Variants in ADGRG2 observed in about 807,000 individuals in gnomAD.
ADGRG2 encodes the protein adhesion G protein-coupled receptor G2, also known as G protein-coupled receptor 64.
A neutral mutation model predicts 74.1 loss-of-function variants in ADGRG2; 26 were observed. The observed-to-expected ratio is 0.35, with a 90% CI of 0.26 to 0.49. The LOEUF (loss-of-function observed/expected upper bound fraction) is 0.49. Ranked by LOEUF, ADGRG2 falls within the 20% of genes least tolerant of loss-of-function variation. The pLI, the probability that ADGRG2 is intolerant of heterozygous loss-of-function variation, is 0.99. For missense variants in ADGRG2, 619 were observed against 763.1 expected, an observed-to-expected ratio of 0.81 and a Z score of 2.22; for synonymous variants, 296 against 295.2, an observed-to-expected ratio of 1.00 and a Z score of -0.03.
intron 1 of ADGRG2, among the ~76,000 whole-genome samples, chrX:19,104,936 A>AAAAAAG (rs2062255926): frequency 9.7e-6 from 1 of 102,926 alleles, no homozygotes; most frequent in Admixed American, 1.1e-4. Flanking sequence ...AAAAAAAAAA[A>AAAAAAG]AAAAAGTAAC....
intron 1 of ADGRG2, among the ~76,000 whole-genome samples, chrX:19,117,315 A>T (rs190402568): frequency 0.022 from 2,410 of 110,098 alleles, 53 homozygotes; most frequent in African/African-American, 0.074. Flanking sequence ...TTAAAAAATT[A>T]AAAAAAAGAA....
At chrX:19,117,114 A>C (rs943704935) in intron 1 of ADGRG2, among the ~76,000 whole-genome samples, 3 of 108,793 alleles carry the variant, frequency 2.8e-5, no homozygotes, top group African/African-American at 1.0e-4. Context: ...AGATGGTGAA[A>C]CCTCGTCTCT....
intron 1 of ADGRG2, among the ~76,000 whole-genome samples, chrX:19,114,703 C>G (rs372302574): frequency 5.4e-5 from 6 of 111,550 alleles, no homozygotes; most frequent in African/African-American, 2.0e-4. Context: ...TGTCAAATGT[C>G]CCCTGGGAGG....
At chrX:19,114,863 C>T (rs188567191) in intron 1 of ADGRG2, among the ~76,000 whole-genome samples, 2 of 111,395 alleles carry the variant, frequency 1.8e-5, no homozygotes, top group African/African-American at 3.3e-5. Flanking sequence ...ATTCAAACCC[C>T]GGACCTACTG....
At chrX:19,021,272 C>T in intron 13 of ADGRG2, 74 bp from the exon 14 acceptor site, 1 of 585,089 alleles carries the variant, frequency 1.7e-6, no homozygotes, top group South Asian at 2.4e-5. Flanking sequence ...ATTGCTTTTG[C>T]AAACTTAGAG....
At chrX:19,110,931 C>G (rs769036457) in intron 1 of ADGRG2, among the ~76,000 whole-genome samples, 58 of 111,527 alleles carry the variant, frequency 5.2e-4, no homozygotes, top group Non-Finnish European at 8.5e-4. Context: ...AGAAGATACT[C>G]TAGCTGCCAT....
chrX:19,068,386 C>T (rs2061599240), intron 3 of ADGRG2, among the ~76,000 whole-genome samples: 1 of 109,875 alleles, frequency 9.1e-6, no homozygotes, highest in Admixed American at 9.7e-5. Context: ...TGTATGATTC[C>T]ACTTATCTAA....
chrX:19,028,040 G>T, intron 10 of ADGRG2, 143 bp downstream of exon 10: 2 of 419,816 alleles, frequency 4.8e-6, no homozygotes, highest in Non-Finnish European at 8.4e-6. Flanking sequence ...CAAAGCTAGG[G>T]ACTCAATTAA....
chrX:19,112,988 C>CAA (rs756477082), intron 1 of ADGRG2, among the ~76,000 whole-genome samples: 2,734 of 71,337 alleles, frequency 0.038, 150 homozygotes, highest in African/African-American at 0.13. Context: ...AAAAAAAAAC[C>CAA]AAAAAAAAAA....
intron 1 of ADGRG2, among the ~76,000 whole-genome samples, chrX:19,097,014 G>T (rs867102147): frequency 8.9e-6 from 1 of 112,336 alleles, no homozygotes; most frequent in Non-Finnish European, 1.9e-5. Flanking sequence ...TGCTTTTCTA[G>T]AAGAGAAGAG....
At chrX:19,020,308 A>G (rs57640227) in intron 14 of ADGRG2, among the ~76,000 whole-genome samples, 1,340 of 112,182 alleles carry the variant, frequency 0.012, 15 homozygotes, top group African/African-American at 0.041. Flanking sequence ...TGTATATCAA[A>G]ACATCACATT....
Position 19,002,989 on chromosome X carries a change from G to A in ADGRG2, c.2087C>T (p.Ser696Leu). Residue 696 changes from serine (S) to leucine (L), a missense_variant, in exon 24 of 29, where the codon TCA (serine) becomes TTA (leucine). Physicochemically the swap from Ser to Leu is moderately radical, Grantham distance 145. This residue lies in a region of ADGRG2 where 221 missense variants were observed against 340.6 expected (regional missense o/e 0.65). Transcript: ENST00000379869. ...AAAATAATGAAGAAATACAGCCACT[G>A]AGATGCAGAGGCCTTGCATCTTATA... ...ALYKMQGLCI[S>L]VAVFLHYFLL... is the part of the protein sequence containing the mutation. The A allele has an allele frequency of 8.3e-7, 1 of 1,207,766 alleles. No homozygotes were observed. Among genetic ancestry groups the A allele is most frequent in the African/African-American group, 1.7e-5 (1 of 57,727 alleles).
intron 2 of ADGRG2, among the ~76,000 whole-genome samples, chrX:19,077,073 G>A (rs2061760109): frequency 9.0e-6 from 1 of 110,987 alleles, no homozygotes; most frequent in African/African-American, 3.3e-5. Flanking sequence ...ACAGAAATGG[G>A]ACATATAACT....
At chrX:19,080,790 G>C (rs1456258950) in intron 2 of ADGRG2, among the ~76,000 whole-genome samples, 2 of 110,252 alleles carry the variant, frequency 1.8e-5, no homozygotes, top group Non-Finnish European at 3.8e-5. Flanking sequence ...CCACCTCCCA[G>C]GCTCAAGCGA....
chrX:19,044,034 A>T (rs1279447032), intron 3 of ADGRG2, among the ~76,000 whole-genome samples: 1 of 111,599 alleles, frequency 9.0e-6, no homozygotes, highest in Non-Finnish European at 1.9e-5. Context: ...GGCTTCAAAC[A>T]CAAAATTGTT....
chrX:19,102,493 G>T (rs1198875516), intron 1 of ADGRG2, among the ~76,000 whole-genome samples: 1 of 109,494 alleles, frequency 9.1e-6, no homozygotes, highest in Non-Finnish European at 1.9e-5. Context: ...TCAGGAGAAG[G>T]CCTCGCATGG....
rs144799720 is a variant in ADGRG2, at chrX:19,007,291, C to T, written c.1633G>A (p.Val545Ile). 2.0e-4 allele frequency: 241 copies of T among 1,207,043 alleles called. No individual in the cohort carries two copies. In the East Asian group the frequency reaches 5.0e-3, roughly 25 times the overall value. Reference protein sequence around the residue: ...VISSSVANLTVRNLTRNVTVT... With the variant: ...VISSSVANLTIRNLTRNVTVT... ...GTCACGTTTCTTGTCAAGTTCCTGA[C>T]GGTCAGGTTTGCAACACTCGATGAT... Residue 545 changes from valine (V) to isoleucine (I), a missense_variant, in exon 20 of 29, where the codon GTC becomes ATC. Physicochemically the swap from Val to Ile is conservative, Grantham distance 29. Around this residue, in one of 3 missense-constraint regions of ADGRG2, gnomAD observed 221 missense variants for 340.6 expected, o/e 0.65. Transcript: ENST00000379869.
chrX:18,991,022 C>T lies in ADGRG2; in HGVS notation c.2896G>A (p.Val966Ile). Residue 966 changes from valine (V) to isoleucine (I), a missense_variant, in exon 29 of 29, where the codon GTC becomes ATC. This residue lies in a region of ADGRG2 where 106 missense variants were observed against 104.5 expected (regional missense o/e 1.01). Coordinates refer to ENST00000379869, the MANE Select transcript of ADGRG2 (RefSeq NM_001079858.3). ...TCTCCATTCTGAACACTAAAAGAGA[C>T]CCCATTCCTCTCTGTAGAAGCATTT... ...NGNASTERNG[V>I]SFSVQNGDVC... The T allele has an allele frequency of 8.4e-7, 1 of 1,188,938 alleles. No homozygotes were observed. Among genetic ancestry groups the T allele is most frequent in the African/African-American group, 1.7e-5 (1 of 57,235 alleles).
chrX:19,019,899 ATCACTCT>A (rs2060553340), intron 14 of ADGRG2, among the ~76,000 whole-genome samples: 1 of 111,894 alleles, frequency 8.9e-6, no homozygotes, highest in Admixed American at 9.5e-5. Flanking sequence ...TGCAGCACTA[ATCACTCT>A]TCAGCAACTC....
Sources: allele counts gnomAD v4.1 joint callset (sites outside exome capture counted in the v4.1 genomes callset), GRCh38; gene constraint gnomAD v4.1.1; regional missense constraint gnomAD v4.1.1; transcripts MANE v1.5; gene names NCBI Gene and HGNC (gene_info 2026-07-23, HGNC 2026-07-21).